ARMC9: variants seen among roughly 807,000 people sequenced by gnomAD.
The protein encoded by ARMC9 is armadillo repeat containing 9, also known as lisH domain-containing protein ARMC9.
Under a neutral mutation model 107.0 loss-of-function variants are expected in ARMC9, and 94 were observed. That is an observed-to-expected ratio of 0.88 (90% CI 0.74 to 1.04). The LOEUF (loss-of-function observed/expected upper bound fraction) is 1.04, where lower values mean the gene tolerates loss of function less well. Ranked by LOEUF, ARMC9 falls within the 50% of genes least tolerant of loss-of-function variation. The probability of loss-of-function intolerance (pLI) is 0.00; values close to 1 mark genes in which losing one functional copy is unlikely to be tolerated. For synonymous variants in ARMC9, 380 were observed against 396.9 expected (o/e 0.96, Z 0.51); for missense variants, 942 against 1,030.1 (o/e 0.91, Z 1.17).
chr2:231,344,909 C>T (rs938270918), intron 20 of ARMC9, 66 bp from the exon 21 acceptor site: 69 of 1,509,152 alleles, frequency 4.6e-5, no homozygotes, highest in Non-Finnish European at 5.8e-5. Context: ...GTGTATTCTG[C>T]TTGACTTCTA....
intron 21 of ARMC9, among the ~76,000 whole-genome samples, chr2:231,345,600 G>A (rs116819186): frequency 0.029 from 4,429 of 152,220 alleles, 88 homozygotes; most frequent in Non-Finnish European, 0.041. Flanking sequence ...GTCTCGTTAC[G>A]TAGAGCCTCT....
chr2:231,222,725 T>C lies in ARMC9; in HGVS notation c.505-3T>C. On this transcript the variant is annotated splice_region_variant and splice_polypyrimidine_tract_variant and intron_variant, in intron 5 of 24. Transcript: ENST00000611582. ...TTGTATTTTTGTTCCCTTTTTTCTT[T>C]AGGATTCCTGGACTCCAGAGTTAAA... 6.7e-7 allele frequency: 1 copy of C among 1,496,118 alleles called. No homozygotes were observed. Among genetic ancestry groups the C allele is most frequent in the Non-Finnish European group, 9.2e-7 (1 of 1,082,442 alleles). The allele number at this position is 1,496,118 out of a possible 1,614,324, so 92.7% of individuals were successfully genotyped here. A position where few individuals can be genotyped will look rare whatever the true frequency, so the allele number is the denominator to read the frequency against.
intron 16 of ARMC9, among the ~76,000 whole-genome samples, chr2:231,281,365 G>A (rs1324908782): frequency 1.3e-5 from 2 of 152,126 alleles, no homozygotes; most frequent in African/African-American, 4.8e-5. Context: ...ACAGCCTGGT[G>A]GGGGGCATCC....
chr2:231,361,639 C>T (rs1009705698), intron 23 of ARMC9, among the ~76,000 whole-genome samples: 2 of 152,066 alleles, frequency 1.3e-5, no homozygotes, highest in South Asian at 4.1e-4. Context: ...TCTGGAGAAA[C>T]CTGCTCAGGG....
At chr2:231,236,398 G>T (rs1208724148) in intron 8 of ARMC9, among the ~76,000 whole-genome samples, 3 of 152,088 alleles carry the variant, frequency 2.0e-5, no homozygotes, top group African/African-American at 7.2e-5. Context: ...GTCATCATGG[G>T]CATCTTTATC....
chr2:231,303,909 C>A (rs1430557993), intron 19 of ARMC9, among the ~76,000 whole-genome samples: 1 of 152,060 alleles, frequency 6.6e-6, no homozygotes, highest in Non-Finnish European at 1.5e-5. Context: ...GCACTCCAGA[C>A]TGGGCAACAG....
chr2:231,273,987 T>C (rs1190815534), intron 14 of ARMC9, among the ~76,000 whole-genome samples: 2 of 152,212 alleles, frequency 1.3e-5, no homozygotes, highest in Non-Finnish European at 2.9e-5. Flanking sequence ...AATGGAATCA[T>C]GTAGTGTGCA....
intron 19 of ARMC9, among the ~76,000 whole-genome samples, chr2:231,303,970 G>A (rs1252184651): frequency 5.9e-5 from 9 of 151,668 alleles, no homozygotes; most frequent in African/African-American, 1.9e-4. Context: ...GGTGGCTCAC[G>A]CCTGTAATCT....
At chr2:231,331,990 T>A in intron 20 of ARMC9, 93 bp downstream of exon 20, 2 of 1,089,816 alleles carry the variant, frequency 1.8e-6, no homozygotes, top group Non-Finnish European at 2.7e-6. Context: ...AGGGTTTAGT[T>A]TGGTTTGTTA....
chr2:231,277,859 A>C (rs2039898077), intron 15 of ARMC9, among the ~76,000 whole-genome samples: 1 of 152,200 alleles, frequency 6.6e-6, no homozygotes, highest in African/African-American at 2.4e-5. Flanking sequence ...CACCGCACCC[A>C]GCCAAAAGTC....
intron 20 of ARMC9, among the ~76,000 whole-genome samples, chr2:231,337,521 G>C (rs1301997226): frequency 9.6e-5 from 12 of 124,910 alleles, no homozygotes; most frequent in Non-Finnish European, 1.1e-4. Context: ...CCAGGCTGGA[G>C]TTCAGTGGCG....
intron 15 of ARMC9, among the ~76,000 whole-genome samples, chr2:231,277,300 A>G (rs2039845258): frequency 6.6e-6 from 1 of 152,138 alleles, no homozygotes. Context: ...AGGTACAGGT[A>G]CTATCTCATT....
chr2:231,252,840 A>C, intron 9 of ARMC9, among the ~76,000 whole-genome samples: 1 of 142,698 alleles, frequency 7.0e-6, no homozygotes, highest in African/African-American at 2.6e-5. Context: ...GGGTTTCATC[A>C]TGTTGCTCTG....
intron 19 of ARMC9, among the ~76,000 whole-genome samples, chr2:231,313,267 A>G (rs1249641068): frequency 6.6e-6 from 1 of 152,232 alleles, no homozygotes; most frequent in Non-Finnish European, 1.5e-5. Context: ...TGGTCTGTCC[A>G]ATATTAATAT....
chr2:231,337,690 G>A (rs563516079), intron 20 of ARMC9, among the ~76,000 whole-genome samples: 85 of 151,984 alleles, frequency 5.6e-4, no homozygotes, highest in Non-Finnish European at 1.1e-3. Flanking sequence ...GGCTGGTCTC[G>A]AACTCCTGAC....
intron 19 of ARMC9, among the ~76,000 whole-genome samples, chr2:231,329,110 C>T (rs545799958): frequency 6.6e-5 from 10 of 151,996 alleles, no homozygotes; most frequent in Non-Finnish European, 8.8e-5. Flanking sequence ...CGTGAGCCAC[C>T]GCGCCCGGCC....
intron 9 of ARMC9, among the ~76,000 whole-genome samples, chr2:231,249,482 G>C (rs1268604257): frequency 1.3e-5 from 2 of 152,116 alleles, no homozygotes; most frequent in Non-Finnish European, 2.9e-5. Context: ...CCCAGGCTTG[G>C]TGTGGCCCCA....
In ARMC9 at chr2:231,325,160, G is replaced by A. The variant is rs545983357; in HGVS notation, c.1774-6633G>A. Among the ~76,000 whole-genome samples, 164 of 152,306 alleles carry A rather than the reference G, an allele frequency of 1.1e-3. 1 individual carries two copies. The highest frequency in any genetic ancestry group is 3.9e-3 in the African/African-American group (162 of 41,556). On this transcript the variant is annotated intron_variant, in intron 19 of 24. Coordinates refer to ENST00000611582, the MANE Select transcript of ARMC9 (RefSeq NM_001352754.2). ...GATCACTGGAGCCTGGGAAGTTGAG[G>A]CTGCAATGGGGCCCTTGATTACGCC...
At chr2:231,212,996 G>T (rs918341054) in intron 3 of ARMC9, among the ~76,000 whole-genome samples, 1 of 152,084 alleles carries the variant, frequency 6.6e-6, no homozygotes, top group African/African-American at 2.4e-5. Context: ...TCAGATTTGA[G>T]GATTCCTTAC....
Sources: allele counts gnomAD v4.1 joint callset (sites outside exome capture counted in the v4.1 genomes callset), GRCh38; gene constraint gnomAD v4.1.1; transcripts MANE v1.5; gene names NCBI Gene and HGNC (gene_info 2026-07-23, HGNC 2026-07-21).